ABCC12: variants seen among roughly 807,000 people sequenced by gnomAD.
ABCC12 encodes ATP-binding cassette sub-family C member 12.
In ABCC12, 142 loss-of-function variants were observed where a neutral mutation model predicts 151.1. The ratio of observed to expected loss-of-function variants is 0.94; its 90% confidence interval spans 0.82 to 1.08. ABCC12 has a LOEUF of 1.08. ABCC12 is among the 50% of genes least tolerant of loss of function. The pLI is 0.00. For synonymous variants in ABCC12, 645 were observed against 646.4 expected (o/e 1.00, Z 0.03); for missense variants, 1,638 against 1,691.1 (o/e 0.97, Z 0.55).
At chr16:48,127,454 G>A (rs933754323) in intron 11 of ABCC12, among the ~76,000 whole-genome samples, 2 of 152,158 alleles carry the variant, frequency 1.3e-5, no homozygotes, top group South Asian at 4.1e-4. Context: ...GGCTTGGCTG[G>A]CTTAGCCCTT....
At chr16:48,107,177 A>T (rs1963520973) in intron 20 of ABCC12, 145 bp downstream of exon 20, 2 of 777,324 alleles carry the variant, frequency 2.6e-6, no homozygotes, top group Non-Finnish European at 2.2e-6. Context: ...CCTGTGGTGT[A>T]AGCATCTGAC....
intron 22 of ABCC12, among the ~76,000 whole-genome samples, chr16:48,102,144 G>A (rs1963329635): frequency 6.6e-6 from 1 of 152,024 alleles, no homozygotes; most frequent in African/African-American, 2.4e-5. Flanking sequence ...GATGACAGAT[G>A]TACCTTTGAT....
Position 48,104,346 on chromosome 16 carries a change from A to G in ABCC12, c.2696T>C (p.Phe899Ser). Reference sequence around the variant, plus strand: ...CCTGCCAGTGGGAGTCGTGTCAAAGAAACTCATTGGGCTCTTTAAGATCTG... The same window carrying G: ...CCTGCCAGTGGGAGTCGTGTCAAAGGAACTCATTGGGCTCTTTAAGATCTG... The part of the protein sequence containing the change: ...FDKILKSPMS[F>S]FDTTPTGRLM... The change falls in exon 22 of 31, where the codon TTC becomes TCC. Residue 899 changes from phenylalanine to serine, a missense_variant. Transcript: ENST00000311303. 1 of 1,614,238 alleles carries G rather than the reference A, an allele frequency of 6.2e-7. No individual in the cohort carries two copies. The highest frequency in any genetic ancestry group is 2.2e-5 in the East Asian group (1 of 44,880).
intron 23 of ABCC12, among the ~76,000 whole-genome samples, chr16:48,099,609 C>T (rs1963231292): frequency 2.0e-5 from 3 of 152,170 alleles, no homozygotes; most frequent in Non-Finnish European, 2.9e-5. Context: ...CATTTCCCAG[C>T]CTCCCTTGCG....
intron 24 of ABCC12, among the ~76,000 whole-genome samples, chr16:48,093,102 C>T (rs1451173009): frequency 3.3e-5 from 5 of 152,158 alleles, no homozygotes; most frequent in African/African-American, 9.6e-5. Flanking sequence ...GCGGGAGGGA[C>T]GTAATACCAG....
intron 2 of ABCC12, among the ~76,000 whole-genome samples, chr16:48,152,317 C>G (rs1208695934): frequency 6.6e-6 from 1 of 152,186 alleles, no homozygotes; most frequent in Non-Finnish European, 1.5e-5. Context: ...CCTGCATGAA[C>G]AGAACCCAGC....
rs1360305816 is a variant in ABCC12, at chr16:48,082,269, T to A, written c.*1446A>T. ...CCAGGGCTTTCATGCAGTTGCCAGGTTATAAGCTCTACCTAAGGCCAGGTG... is the reference window on the plus strand; with the variant it reads ...CCAGGGCTTTCATGCAGTTGCCAGGATATAAGCTCTACCTAAGGCCAGGTG... On this transcript the variant is annotated 3_prime_UTR_variant, in exon 31 of 31. Transcript: ENST00000311303. 6.6e-6 allele frequency among the ~76,000 whole-genome samples: 1 copy of A among 152,098 alleles called. No homozygotes were observed. The highest frequency in any genetic ancestry group is 1.5e-5 in the Non-Finnish European group (1 of 68,006).
chr16:48,109,926 C>T (rs746721754), intron 18 of ABCC12, among the ~76,000 whole-genome samples: 5 of 152,328 alleles, frequency 3.3e-5, no homozygotes, highest in East Asian at 1.9e-4. Context: ...CAGCTTTCAC[C>T]GCCCTTGACA....
intron 25 of ABCC12, among the ~76,000 whole-genome samples, chr16:48,090,606 GCCCTTAAGGAAA>G (rs1259706838): frequency 6.6e-6 from 1 of 152,002 alleles, no homozygotes; most frequent in Non-Finnish European, 1.5e-5. Context: ...TATCAAAACA[GCCCTTAAGGAAA>G]CCTTGTTAAA....
intron 13 of ABCC12, among the ~76,000 whole-genome samples, chr16:48,120,048 AG>A (rs1416594817): frequency 6.6e-6 from 1 of 152,220 alleles, no homozygotes; most frequent in East Asian, 1.9e-4. Flanking sequence ...AACCATAGGA[AG>A]CCATTACTTT....
chr16:48,087,223 A>G (rs1962654971), intron 27 of ABCC12: 1 of 197,042 alleles, frequency 5.1e-6, no homozygotes, highest in Non-Finnish European at 1.1e-5. Context: ...GGCAGCTCCT[A>G]GGGCCTCACA....
intron 24 of ABCC12, among the ~76,000 whole-genome samples, chr16:48,092,742 C>T (rs1962952621): frequency 6.6e-6 from 1 of 152,114 alleles, no homozygotes; most frequent in African/African-American, 2.4e-5. Flanking sequence ...CAAGAATGTC[C>T]CAAAAGCAGG....
chr16:48,101,981 T>C (rs1399021753), intron 22 of ABCC12, among the ~76,000 whole-genome samples: 3 of 152,224 alleles, frequency 2.0e-5, no homozygotes, highest in East Asian at 1.9e-4. Flanking sequence ...CCATTTCATT[T>C]GGAGACAGGA....
intron 8 of ABCC12, among the ~76,000 whole-genome samples, chr16:48,135,109 T>C (rs1964563926): frequency 1.3e-5 from 2 of 151,488 alleles, no homozygotes; most frequent in African/African-American, 4.9e-5. Context: ...ATAATCTCCA[T>C]GTATGAGTTA....
chr16:48,104,075 A>G (rs372496944), intron 22 of ABCC12, 67 bp downstream of exon 22: 45 of 1,507,876 alleles, frequency 3.0e-5, no homozygotes, highest in East Asian at 2.0e-4. Context: ...TCCATGCTCA[A>G]TATCACCTGA....
At chr16:48,151,859 G>C (rs542925001) in intron 2 of ABCC12, among the ~76,000 whole-genome samples, 5 of 152,342 alleles carry the variant, frequency 3.3e-5, no homozygotes, top group South Asian at 4.1e-4. Context: ...ATGCAGACCT[G>C]TGCTACAGAA....
chr16:48,098,641 C>T (rs538029805), intron 23 of ABCC12, among the ~76,000 whole-genome samples: 6 of 152,332 alleles, frequency 3.9e-5, no homozygotes, highest in South Asian at 2.1e-4. Context: ...TGGTCTTATC[C>T]GTGTGGTTGG....
rs776302423 is a variant in ABCC12, at chr16:48,107,372, C to A, written c.2425G>T (p.Ala809Ser). 6.2e-7 allele frequency: 1 copy of A among 1,614,118 alleles called. No individual in the cohort carries two copies. Reference protein sequence around the residue: ...VFLFLLMIGSAAFSNWWLGLW... With the variant: ...VFLFLLMIGSSAFSNWWLGLW... ...CCCAGCCACCAGTTGCTGAAGGCAG[C>A]GCTGCCAATCATCAGGAGGAAGAGG... Residue 809 changes from alanine (A) to serine (S), a missense_variant, in exon 20 of 31, where the codon GCT becomes TCT. By Grantham distance (99) the Ala-to-Ser change is moderately conservative. Coordinates refer to ENST00000311303, the MANE Select transcript of ABCC12 (RefSeq NM_001393797.1).
chr16:48,102,511 C>A (rs1250721486), intron 22 of ABCC12, among the ~76,000 whole-genome samples: 3 of 152,188 alleles, frequency 2.0e-5, no homozygotes, highest in Admixed American at 2.0e-4. Context: ...AACTTGGACA[C>A]CCTTCAAGAA....
Sources: gnomAD v4.1 joint callset for allele counts (sites outside exome capture counted in the v4.1 genomes callset) on GRCh38, gnomAD v4.1.1 for gene constraint, MANE v1.5 for transcripts, NCBI Gene and HGNC (gene_info 2026-07-23, HGNC 2026-07-21) for gene names.